Variants in GRXCR1 observed in about 807,000 individuals in gnomAD.
GRXCR1 encodes the protein glutaredoxin and cysteine rich domain containing 1, also known as glutaredoxin domain-containing cysteine-rich protein 1.
Under a neutral mutation model 27.3 loss-of-function variants are expected in GRXCR1, and 27 were observed. The observed-to-expected ratio is 0.99, with a 90% CI of 0.73 to 1.37. The LOEUF is 1.37. GRXCR1 is among the 40% of genes most tolerant of loss of function. The pLI is 0.00. For missense variants in GRXCR1, 379 were observed against 354.4 expected, an observed-to-expected ratio of 1.07 and a Z score of -0.56; for synonymous variants, 122 against 131.1, an observed-to-expected ratio of 0.93 and a Z score of 0.47.
chr4:42,962,964 T>G lies in GRXCR1; in HGVS notation c.457T>G (p.Phe153Val), dbSNP rs770874273. ...TTCLRVVRTTFERCELVRKIF... is the reference protein window; with the variant it reads ...TTCLRVVRTTVERCELVRKIF... ...CTGCCTTCGTGTGGTCCGGACAACC[T>G]TTGAAAGATGTGAACTGGTTAGAAA... Residue 153 changes from phenylalanine (F) to valine (V), a missense_variant, in exon 2 of 4, where the codon TTT (phenylalanine) becomes GTT (valine). Phe to Val is a conservative substitution (Grantham distance 50, BLOSUM62 -1). Transcript: ENST00000399770. The G allele has an allele frequency of 1.4e-5, 23 of 1,612,866 alleles. No individual in the cohort carries two copies. The South Asian group carries it at 2.4e-4, about 17-fold the overall frequency.
At chr4:42,902,457 A>C (rs945018728) in intron 1 of GRXCR1, among the ~76,000 whole-genome samples, 2 of 152,108 alleles carry the variant, frequency 1.3e-5, no homozygotes, top group Admixed American at 6.6e-5. Flanking sequence ...AAAGGATGTG[A>C]TCTCAGTTAT....
intron 1 of GRXCR1, among the ~76,000 whole-genome samples, chr4:42,902,001 T>C (rs1425213527): frequency 6.6e-6 from 1 of 152,216 alleles, no homozygotes; most frequent in East Asian, 1.9e-4. Context: ...TTCCTTTCTG[T>C]AGTTACGTAT....
chr4:42,895,128 G>A (rs1746318205), intron 1 of GRXCR1, among the ~76,000 whole-genome samples: 1 of 151,916 alleles, frequency 6.6e-6, no homozygotes, highest in African/African-American at 2.4e-5. Flanking sequence ...TTCTCCCTAT[G>A]TGTTTACTCT....
intron 1 of GRXCR1, among the ~76,000 whole-genome samples, chr4:42,938,019 C>T (rs995040387): frequency 6.6e-6 from 1 of 151,900 alleles, no homozygotes; most frequent in South Asian, 2.1e-4. Flanking sequence ...AGATCTGATT[C>T]GTTGCATCTA....
At chr4:42,950,980 T>C (rs1326994348) in intron 1 of GRXCR1, among the ~76,000 whole-genome samples, 1 of 152,200 alleles carries the variant, frequency 6.6e-6, no homozygotes, top group Non-Finnish European at 1.5e-5. Context: ...TATTACATGG[T>C]ATAGGCTCAT....
chr4:42,981,593 C>A (rs1366466327), intron 2 of GRXCR1, among the ~76,000 whole-genome samples: 1 of 152,158 alleles, frequency 6.6e-6, no homozygotes, highest in Non-Finnish European at 1.5e-5. Context: ...GCTTGAAGAA[C>A]TTTGTCATTT....
intron 1 of GRXCR1, among the ~76,000 whole-genome samples, chr4:42,904,232 GC>G (rs1454507481): frequency 6.6e-6 from 1 of 152,146 alleles, no homozygotes; most frequent in Non-Finnish European, 1.5e-5. Flanking sequence ...TGCAGGCAGT[GC>G]CCAAAGCCCT....
At chr4:43,025,641 T>C (rs1403374050) in intron 3 of GRXCR1, among the ~76,000 whole-genome samples, 4 of 152,198 alleles carry the variant, frequency 2.6e-5, no homozygotes, top group African/African-American at 9.6e-5. Flanking sequence ...TCTTAATTGC[T>C]TGCAGGTCAA....
At chr4:42,966,167 A>G (rs964472162) in intron 2 of GRXCR1, among the ~76,000 whole-genome samples, 6 of 151,964 alleles carry the variant, frequency 3.9e-5, no homozygotes, top group Non-Finnish European at 8.8e-5. Flanking sequence ...TTGCATCAGA[A>G]ATTTTTTTTT....
chr4:42,929,587 G>T (rs532223029), intron 1 of GRXCR1, among the ~76,000 whole-genome samples: 1 of 151,900 alleles, frequency 6.6e-6, no homozygotes, highest in Non-Finnish European at 1.5e-5. Flanking sequence ...TGGAGGTTGG[G>T]TCTGTGTTTG....
rs182427792 is a variant in GRXCR1, at chr4:42,897,453, A to G, written c.384+3803A>G. Among the ~76,000 whole-genome samples, 583 of 152,236 alleles carry G rather than the reference A, an allele frequency of 3.8e-3. 6 individuals are homozygous for G. Among genetic ancestry groups the G allele is most frequent in the South Asian group, 0.025 (119 of 4,828 alleles). On this transcript the variant is annotated intron_variant, in intron 1 of 3. Transcript: ENST00000399770. ...TGCAAAGAAGGAAAATAATTACAAC[A>G]CATACTATAATTTGGCATTTCCTTT...
intron 2 of GRXCR1, among the ~76,000 whole-genome samples, chr4:43,013,932 C>T (rs1712848524): frequency 6.6e-6 from 1 of 151,736 alleles, no homozygotes; most frequent in African/African-American, 2.4e-5. Flanking sequence ...GGATTGGCCT[C>T]TATGGGAAAT....
chr4:43,002,428 C>A (rs999314555), intron 2 of GRXCR1, among the ~76,000 whole-genome samples: 1 of 152,162 alleles, frequency 6.6e-6, no homozygotes, highest in Non-Finnish European at 1.5e-5. Flanking sequence ...TAAGAAGGCA[C>A]GTCCTGCACA....
intron 2 of GRXCR1, among the ~76,000 whole-genome samples, chr4:42,986,245 AG>A (rs1177001339): frequency 6.6e-6 from 1 of 152,224 alleles, no homozygotes; most frequent in African/African-American, 2.4e-5. Flanking sequence ...TTAGATTCAA[AG>A]AATAAATAAA....
chr4:42,994,228 G>A (rs150375298), intron 2 of GRXCR1, among the ~76,000 whole-genome samples: 62 of 152,204 alleles, frequency 4.1e-4, no homozygotes, highest in African/African-American at 8.4e-4. Context: ...ACAAACAGCT[G>A]CAGGGGACAA....
intron 2 of GRXCR1, among the ~76,000 whole-genome samples, chr4:42,965,423 C>T (rs1000191678): frequency 6.6e-6 from 1 of 151,994 alleles, no homozygotes; most frequent in East Asian, 1.9e-4. Flanking sequence ...GAATTCTCCT[C>T]CTATTAAAAT....
At chr4:42,937,339 TG>T (rs201143214) in intron 1 of GRXCR1, among the ~76,000 whole-genome samples, 2,631 of 143,564 alleles carry the variant, frequency 0.018, 50 homozygotes, top group African/African-American at 0.052. Flanking sequence ...AGGCTCACCT[TG>T]TGTTTTTTTT....
chr4:42,967,135 T>A (rs1375085276), intron 2 of GRXCR1, among the ~76,000 whole-genome samples: 2 of 152,222 alleles, frequency 1.3e-5, no homozygotes, highest in African/African-American at 4.8e-5. Flanking sequence ...AAACCCTAGA[T>A]CATCTAGATT....
chr4:42,964,813 C>T (rs1265529940), intron 2 of GRXCR1, among the ~76,000 whole-genome samples: 1 of 152,050 alleles, frequency 6.6e-6, no homozygotes, highest in Non-Finnish European at 1.5e-5. Flanking sequence ...TATATTGCCT[C>T]ATCATATTCT....
Sources: allele counts gnomAD v4.1 joint callset (sites outside exome capture counted in the v4.1 genomes callset), GRCh38; gene constraint gnomAD v4.1.1; transcripts MANE v1.5; gene names NCBI Gene and HGNC (gene_info 2026-07-23, HGNC 2026-07-21).